The following GRID1 variants were observed in gnomAD, a reference collection of about 807,000 sequenced individuals.
The protein encoded by GRID1 is glutamate ionotropic receptor delta type subunit 1.
A neutral mutation model predicts 98.0 loss-of-function variants in GRID1; 28 were observed. The ratio of observed to expected loss-of-function variants is 0.29; its 90% CI spans 0.21 to 0.39. GRID1 has a LOEUF of 0.39. Among genes scored for constraint, GRID1 ranks in the 10% least tolerant of loss-of-function variants. The pLI, the probability that GRID1 is intolerant of heterozygous loss-of-function variation, is 1.00. For synonymous variants in GRID1, 553 were observed against 538.5 expected (o/e 1.03, Z -0.37); for missense variants, 1,111 against 1,340.5 (o/e 0.83, Z 2.67).
At chr10:85,881,051 G>A (rs57873516) in intron 5 of GRID1, among the ~76,000 whole-genome samples, 3 of 152,092 alleles carry the variant, frequency 2.0e-5, no homozygotes, top group Non-Finnish European at 4.4e-5. Context: ...AAATACCTAG[G>A]AATCCAACTT....
At chr10:86,149,865 C>T (rs531860001) in intron 3 of GRID1, among the ~76,000 whole-genome samples, 89 of 152,230 alleles carry the variant, frequency 5.8e-4, no homozygotes, top group Non-Finnish European at 1.1e-3. Flanking sequence ...TCTCTGGCTC[C>T]TTCAATATTT....
chr10:85,720,802 T>G (rs1841692716), intron 12 of GRID1, among the ~76,000 whole-genome samples: 2 of 152,160 alleles, frequency 1.3e-5, no homozygotes, highest in Admixed American at 6.5e-5. Context: ...CTTCGGGGTC[T>G]CAGGCTAGGA....
At chr10:86,123,160 G>A (rs1056776546) in intron 4 of GRID1, among the ~76,000 whole-genome samples, 3 of 152,170 alleles carry the variant, frequency 2.0e-5, no homozygotes, top group Non-Finnish European at 4.4e-5. Context: ...TGGAATGAAC[G>A]GTGGGGAGGA....
intron 8 of GRID1, among the ~76,000 whole-genome samples, chr10:85,749,286 C>T (rs1472032557): frequency 1.3e-5 from 2 of 152,142 alleles, no homozygotes; most frequent in Non-Finnish European, 2.9e-5. Context: ...GTGTGCTTAT[C>T]CTTCCATCTC....
intron 4 of GRID1, among the ~76,000 whole-genome samples, chr10:86,134,493 A>G (rs1829706152): frequency 6.6e-6 from 1 of 152,180 alleles, no homozygotes; most frequent in African/African-American, 2.4e-5. Flanking sequence ...GAGAAGAACA[A>G]CAATAAGACA....
chr10:85,852,584 C>T (rs1213236541), intron 8 of GRID1, among the ~76,000 whole-genome samples: 1 of 152,198 alleles, frequency 6.6e-6, no homozygotes, highest in East Asian at 1.9e-4. Flanking sequence ...CAAAATAAGA[C>T]TTGGGGATGA....
At chr10:85,667,471 T>C (rs1406023433) in intron 12 of GRID1, among the ~76,000 whole-genome samples, 1 of 152,172 alleles carries the variant, frequency 6.6e-6, no homozygotes, top group East Asian at 1.9e-4. Flanking sequence ...GTTATCAGTA[T>C]TTACAGAAAA....
intron 3 of GRID1, among the ~76,000 whole-genome samples, chr10:86,153,813 C>A (rs777259193): frequency 3.3e-5 from 5 of 152,158 alleles, no homozygotes; most frequent in Non-Finnish European, 5.9e-5. Context: ...AATGGGGCTG[C>A]CTACCCATCC....
intron 8 of GRID1, among the ~76,000 whole-genome samples, chr10:85,816,536 G>A (rs1389897108): frequency 6.6e-6 from 1 of 152,132 alleles, no homozygotes; most frequent in Admixed American, 6.6e-5. Context: ...ATGTGGGGTT[G>A]AATAGAAAGA....
intron 13 of GRID1, among the ~76,000 whole-genome samples, chr10:85,635,346 C>A (rs1045034975): frequency 4.6e-5 from 7 of 152,150 alleles, no homozygotes; most frequent in Non-Finnish European, 8.8e-5. Context: ...CCAACTCAGT[C>A]AATTGTATGG....
At chr10:86,251,680 C>G (rs911950193) in intron 2 of GRID1, among the ~76,000 whole-genome samples, 1 of 152,294 alleles carries the variant, frequency 6.6e-6, no homozygotes, top group African/African-American at 2.4e-5. Context: ...ACTTCAGAAT[C>G]TGCCAATCAC....
At chr10:86,332,093 C>T (rs7905184) in intron 2 of GRID1, among the ~76,000 whole-genome samples, 7 of 152,186 alleles carry the variant, frequency 4.6e-5, no homozygotes, top group African/African-American at 7.2e-5. Context: ...TGGGAAACCC[C>T]GAGTCCAGGC....
chr10:85,997,015 G>T (rs548577096), intron 4 of GRID1, among the ~76,000 whole-genome samples: 5 of 152,086 alleles, frequency 3.3e-5, no homozygotes, highest in African/African-American at 1.2e-4. Flanking sequence ...AAAAACTAGA[G>T]ACAAAGAAAA....
chr10:86,171,612 C>G (rs1029110412), intron 3 of GRID1, among the ~76,000 whole-genome samples: 4 of 152,150 alleles, frequency 2.6e-5, no homozygotes, highest in African/African-American at 9.7e-5. Context: ...GGGGGCTGTG[C>G]AAGGAAATGC....
intron 3 of GRID1, among the ~76,000 whole-genome samples, chr10:86,155,914 G>A (rs1442372438): frequency 6.6e-6 from 1 of 152,228 alleles, no homozygotes; most frequent in African/African-American, 2.4e-5. Context: ...GCAACAGGAT[G>A]GGTGCAAGGC....
chr10:86,232,203 G>C (rs1257852619), intron 2 of GRID1, among the ~76,000 whole-genome samples: 1 of 152,158 alleles, frequency 6.6e-6, no homozygotes, highest in Non-Finnish European at 1.5e-5. Flanking sequence ...GCCAGGGAGG[G>C]CCCCAGGGGA....
chr10:86,033,131 T>C (rs1843210097), intron 4 of GRID1, among the ~76,000 whole-genome samples: 1 of 152,068 alleles, frequency 6.6e-6, no homozygotes, highest in Non-Finnish European at 1.5e-5. Context: ...GCCTTTGCTC[T>C]TTCTTCAGTA....
intron 4 of GRID1, among the ~76,000 whole-genome samples, chr10:86,005,350 G>A (rs1196536314): frequency 7.4e-5 from 11 of 148,580 alleles, no homozygotes; most frequent in Admixed American, 6.7e-5. Context: ...AAAATAAATT[G>A]AAAAAAAAAA....
At chr10:86,170,593 A>G (rs1845470108) in intron 3 of GRID1, among the ~76,000 whole-genome samples, 1 of 152,220 alleles carries the variant, frequency 6.6e-6, no homozygotes, top group Non-Finnish European at 1.5e-5. Context: ...TGAACCACAA[A>G]GAAGCATTGC....
Sources: gnomAD v4.1 joint callset for allele counts (sites outside exome capture counted in the v4.1 genomes callset) on GRCh38, gnomAD v4.1.1 for gene constraint, MANE v1.5 for transcripts, NCBI Gene and HGNC (gene_info 2026-07-23, HGNC 2026-07-21) for gene names.